CDH13: variants seen among roughly 807,000 people sequenced by gnomAD.
CDH13 encodes cadherin-13.
CDH13 carries 24 observed loss-of-function variants against 63.8 expected under a neutral mutation model. That is an observed-to-expected ratio of 0.38 (90% CI 0.27 to 0.53). The LOEUF is 0.53. Among genes scored for constraint, CDH13 ranks in the 20% least tolerant of loss-of-function variants. CDH13 has a pLI of 0.85. For missense variants in CDH13, 1,049 were observed against 903.1 expected (o/e 1.16, Z -2.07); for synonymous variants, 503 against 355.3 (o/e 1.42, Z -4.67).
intron 2 of CDH13, among the ~76,000 whole-genome samples, chr16:82,955,803 C>T (rs777231367): frequency 6.6e-6 from 1 of 152,200 alleles, no homozygotes; most frequent in Non-Finnish European, 1.5e-5. Context: ...AAGGCAAGCT[C>T]TGCTCTAAAA....
chr16:83,706,660 C>A (rs1185555133), intron 10 of CDH13, among the ~76,000 whole-genome samples: 1 of 152,122 alleles, frequency 6.6e-6, no homozygotes, highest in Non-Finnish European at 1.5e-5. Context: ...GAAACCAAAC[C>A]TTATGAAGAG....
intron 10 of CDH13, among the ~76,000 whole-genome samples, chr16:83,739,165 G>A (rs570128985): frequency 2.0e-5 from 3 of 152,240 alleles, no homozygotes; most frequent in South Asian, 2.1e-4. Context: ...CTGCTTGCGC[G>A]AACAAATGTG....
At chr16:82,963,702 C>A (rs1169297971) in intron 2 of CDH13, among the ~76,000 whole-genome samples, 2 of 152,166 alleles carry the variant, frequency 1.3e-5, no homozygotes, top group African/African-American at 4.8e-5. Context: ...ACACCTGTTA[C>A]AATTCCCAGT....
chr16:82,698,051 G>C (rs2030547953), intron 1 of CDH13, among the ~76,000 whole-genome samples: 1 of 152,022 alleles, frequency 6.6e-6, no homozygotes, highest in Non-Finnish European at 1.5e-5. Context: ...CTGTTGAATG[G>C]ATGAATGAAT....
At chr16:82,889,865 G>C (rs570162399) in intron 2 of CDH13, among the ~76,000 whole-genome samples, 9 of 152,342 alleles carry the variant, frequency 5.9e-5, no homozygotes, top group African/African-American at 2.2e-4. Flanking sequence ...TTTCGAGTGG[G>C]AAGACTATTA....
At chr16:83,525,725 G>C (rs539462147) in intron 7 of CDH13, among the ~76,000 whole-genome samples, 1 of 152,342 alleles carries the variant, frequency 6.6e-6, no homozygotes, top group African/African-American at 2.4e-5. Context: ...GAGTCGGGGA[G>C]ATGATTCTGA....
At chr16:83,084,359 G>A (rs766546989) in intron 3 of CDH13, among the ~76,000 whole-genome samples, 1 of 152,202 alleles carries the variant, frequency 6.6e-6, no homozygotes, top group Non-Finnish European at 1.5e-5. Context: ...GTTCATGTCT[G>A]TCCAGAAGTA....
intron 5 of CDH13, among the ~76,000 whole-genome samples, chr16:83,250,788 G>A (rs72802276): frequency 0.083 from 12,581 of 152,222 alleles, 638 homozygotes; most frequent in Non-Finnish European, 0.1. Flanking sequence ...AGAATTCCAG[G>A]CAGGATACAG....
chr16:82,683,506 T>G (rs1914763469), intron 1 of CDH13, among the ~76,000 whole-genome samples: 1 of 152,184 alleles, frequency 6.6e-6, no homozygotes, highest in Non-Finnish European at 1.5e-5. Context: ...GAGCCTTCTC[T>G]TCCCTAATTA....
chr16:83,435,585 G>C (rs1367819730), intron 6 of CDH13, among the ~76,000 whole-genome samples: 1 of 152,034 alleles, frequency 6.6e-6, no homozygotes, highest in Admixed American at 6.6e-5. Flanking sequence ...AACGTGCCAC[G>C]TGCTCTCTCC....
intron 4 of CDH13, among the ~76,000 whole-genome samples, chr16:83,158,957 A>G (rs369838309): frequency 5.9e-4 from 90 of 152,332 alleles, no homozygotes; most frequent in African/African-American, 2.0e-3. Context: ...TACTGCATAT[A>G]TATTAATAAT....
At chr16:82,817,491 A>G (rs1192178740) in intron 1 of CDH13, among the ~76,000 whole-genome samples, 1 of 152,210 alleles carries the variant, frequency 6.6e-6, no homozygotes, top group Non-Finnish European at 1.5e-5. Context: ...AGTTACACTT[A>G]AATGCACACA....
intron 5 of CDH13, among the ~76,000 whole-genome samples, chr16:83,290,555 G>T (rs535941162): frequency 1.7e-4 from 26 of 152,226 alleles, no homozygotes; most frequent in Non-Finnish European, 3.4e-4. Context: ...ACTCATGTGG[G>T]ACTATGAGTT....
intron 6 of CDH13, among the ~76,000 whole-genome samples, chr16:83,376,393 T>C (rs2091459891): frequency 6.6e-6 from 1 of 151,984 alleles, no homozygotes; most frequent in South Asian, 2.1e-4. Flanking sequence ...AGTGAAAGAA[T>C]GGTGGTCGCT....
Position 83,644,998 on chromosome 16 carries a change from T to G in CDH13, c.1102-25792T>G, listed in dbSNP as rs1208086058. ...CTTCAAACCTACAAGCTCCCCACTC[T>G]TGAACCTAACCCCATTCCTGAGTTT... On this transcript the variant is annotated intron_variant, in intron 8 of 13. Coordinates refer to ENST00000567109, the MANE Select transcript of CDH13 (RefSeq NM_001257.5). Among the ~76,000 whole-genome samples, 3 of 152,192 alleles carry G rather than the reference T, an allele frequency of 2.0e-5. No individual in the cohort carries two copies. The East Asian group carries it at 5.8e-4, about 29-fold the overall frequency.
At chr16:83,034,922 T>C (rs1916711355) in intron 3 of CDH13, among the ~76,000 whole-genome samples, 1 of 152,128 alleles carries the variant, frequency 6.6e-6, no homozygotes, top group Non-Finnish European at 1.5e-5. Flanking sequence ...AAAACTTGCC[T>C]GTGATTGTTT....
At chr16:83,422,785 T>G (rs1212358800) in intron 6 of CDH13, among the ~76,000 whole-genome samples, 2 of 152,186 alleles carry the variant, frequency 1.3e-5, no homozygotes, top group Non-Finnish European at 2.9e-5. Flanking sequence ...ATAATAACAG[T>G]ACTTTCCTCA....
intron 6 of CDH13, among the ~76,000 whole-genome samples, chr16:83,452,086 G>T (rs183414229): frequency 6.6e-6 from 1 of 152,072 alleles, no homozygotes; most frequent in Non-Finnish European, 1.5e-5. Flanking sequence ...ACTCCCCACC[G>T]CCTGAGATTA....
intron 3 of CDH13, among the ~76,000 whole-genome samples, chr16:83,044,358 G>C (rs978731315): frequency 8.5e-5 from 13 of 152,156 alleles, no homozygotes; most frequent in African/African-American, 3.1e-4. Flanking sequence ...AAATAGCATA[G>C]GAAATTAAAA....
Sources: gnomAD v4.1 joint callset for allele counts (sites outside exome capture counted in the v4.1 genomes callset) on GRCh38, gnomAD v4.1.1 for gene constraint, MANE v1.5 for transcripts, NCBI Gene and HGNC (gene_info 2026-07-23, HGNC 2026-07-21) for gene names.